ASTN1: variants seen among roughly 807,000 people sequenced by gnomAD.
ASTN1 encodes astrotactin 1, also known as astrotactin-1.
A neutral mutation model predicts 140.7 loss-of-function variants in ASTN1; 41 were observed. The ratio of observed to expected loss-of-function variants is 0.29; its 90% confidence interval spans 0.23 to 0.38. The LOEUF (loss-of-function observed/expected upper bound fraction) is 0.38. ASTN1 is among the 10% of genes least tolerant of loss of function. The probability of loss-of-function intolerance (pLI) is 1.00; values close to 1 mark genes in which losing one functional copy is unlikely to be tolerated. For synonymous variants in ASTN1, 640 were observed against 652.2 expected, an observed-to-expected ratio of 0.98 and a Z score of 0.29; for missense variants, 1,479 against 1,678.8, an observed-to-expected ratio of 0.88 and a Z score of 2.08.
In ASTN1 at chr1:177,139,783, C is replaced by T. The variant is rs114561786; in HGVS notation, c.283+24611G>A. 5.8e-3 allele frequency among the ~76,000 whole-genome samples: 879 copies of T among 152,098 alleles called. 8 individuals are homozygous for T. The highest frequency in any genetic ancestry group is 0.02 in the African/African-American group (844 of 41,498). On this transcript the variant is annotated intron_variant, in intron 1 of 22. Coordinates refer to ENST00000361833, the MANE Select transcript of ASTN1 (RefSeq NM_004319.3). ...TCTTTCTTGCTTTTCTTCCAGGGGC[C>T]CCACAGAGAAAACATTCCCAACCGG...
At position 177,065,731 on chromosome 1, in the gene ASTN1, C is replaced by G. The variant is rs566894068; in HGVS notation, c.284-4466G>C. Among the ~76,000 whole-genome samples the G allele has an allele frequency of 4.6e-5, 7 of 152,282 alleles. No individual in the cohort carries two copies. In the South Asian group the frequency reaches 1.5e-3, roughly 32 times the overall value. On this transcript the variant is annotated intron_variant, in intron 1 of 22. Coordinates refer to ENST00000361833, the MANE Select transcript of ASTN1 (RefSeq NM_004319.3). ...AGCAGCAAAAAATGCAGATTGGTGA[C>G]AACTGTGAACGTGGTGAATGCCCAT...
Position 176,868,989 on chromosome 1 carries a change from T to G in ASTN1, c.3502A>C (p.Thr1168Pro). The part of the protein sequence containing the change: ...DKIYNLFNGY[T>P]SGKEQQTAYN... Reference sequence around the variant, plus strand: ...GCGGTCTGCTGCTCCTTCCCACTAGTGTAGCCATTGAAGAGATTGTAGATC... The same window carrying G: ...GCGGTCTGCTGCTCCTTCCCACTAGGGTAGCCATTGAAGAGATTGTAGATC... The change falls in exon 22 of 23, where the codon ACT (threonine) becomes CCT (proline). Residue 1168 changes from threonine to proline, a missense_variant. Transcript: ENST00000361833. 1 of 1,608,492 alleles carries G rather than the reference T, an allele frequency of 6.2e-7. No homozygotes were observed. Among genetic ancestry groups the G allele is most frequent in the South Asian group, 1.1e-5 (1 of 89,916 alleles).
At chr1:176,996,994 C>T (rs1674487119) in intron 8 of ASTN1, among the ~76,000 whole-genome samples, 1 of 152,186 alleles carries the variant, frequency 6.6e-6, no homozygotes, top group Non-Finnish European at 1.5e-5. Context: ...CAAAAAACAG[C>T]CTACCCAGGG....
At chr1:176,951,991 G>A (rs1050721172) in intron 11 of ASTN1, among the ~76,000 whole-genome samples, 1 of 152,154 alleles carries the variant, frequency 6.6e-6, no homozygotes. Context: ...TCCCAGTGGT[G>A]GAAAATGGCA....
intron 2 of ASTN1, among the ~76,000 whole-genome samples, chr1:177,048,175 G>T (rs1677340429): frequency 6.6e-6 from 1 of 152,168 alleles, no homozygotes; most frequent in African/African-American, 2.4e-5. Context: ...GAGGGGCTCA[G>T]GATGTAGAAG....
At chr1:177,094,110 A>G (rs1679910487) in intron 1 of ASTN1, among the ~76,000 whole-genome samples, 1 of 152,212 alleles carries the variant, frequency 6.6e-6, no homozygotes, top group Admixed American at 6.5e-5. Flanking sequence ...CACCATTGTC[A>G]TTTCAGATTG....
chr1:176,860,010 T>C (rs1427135484), downstream of ASTN1, among the ~76,000 whole-genome samples: 1 of 152,126 alleles, frequency 6.6e-6, no homozygotes, highest in African/African-American at 2.4e-5. Flanking sequence ...GGCATGGTTA[T>C]CTGAGCTGGG....
At chr1:177,087,164 T>C (rs748789057) in intron 1 of ASTN1, among the ~76,000 whole-genome samples, 1 of 152,152 alleles carries the variant, frequency 6.6e-6, no homozygotes, top group Non-Finnish European at 1.5e-5. Context: ...GTGAAATCCT[T>C]TGGACTCTGA....
chr1:177,016,036 G>A (rs1431391046), intron 7 of ASTN1, among the ~76,000 whole-genome samples: 1 of 152,172 alleles, frequency 6.6e-6, no homozygotes, highest in Non-Finnish European at 1.5e-5. Context: ...AACACTTTAA[G>A]ATGATATAAA....
intron 9 of ASTN1, among the ~76,000 whole-genome samples, chr1:176,964,264 A>G (rs1452918684): frequency 6.6e-6 from 1 of 152,192 alleles, no homozygotes; most frequent in Admixed American, 6.5e-5. Context: ...GCTGCTCACC[A>G]TTTGTCCAGA....
chr1:177,031,751 A>G (rs187882052), intron 3 of ASTN1, among the ~76,000 whole-genome samples: 7 of 152,336 alleles, frequency 4.6e-5, no homozygotes, highest in Non-Finnish European at 7.3e-5. Flanking sequence ...GGGTTTATCT[A>G]TGGAGATTTG....
chr1:177,083,438 C>A (rs753071362), intron 1 of ASTN1, among the ~76,000 whole-genome samples: 1 of 151,712 alleles, frequency 6.6e-6, no homozygotes. Flanking sequence ...TCAGGTCATG[C>A]GCCATTGAGA....
At chr1:177,036,665 C>A (rs920664546) in intron 2 of ASTN1, among the ~76,000 whole-genome samples, 5 of 152,008 alleles carry the variant, frequency 3.3e-5, no homozygotes, top group Non-Finnish European at 7.4e-5. Context: ...GCAGGTAGCA[C>A]GTAGGAAGAA....
chr1:177,049,721 T>C (rs755528780), intron 2 of ASTN1, among the ~76,000 whole-genome samples: 2 of 152,246 alleles, frequency 1.3e-5, no homozygotes, highest in Non-Finnish European at 1.5e-5. Context: ...ATGCAGTCTG[T>C]GTGACGATAG....
chr1:176,904,110 G>A (rs1027520138), intron 16 of ASTN1, among the ~76,000 whole-genome samples: 10 of 152,172 alleles, frequency 6.6e-5, no homozygotes, highest in African/African-American at 2.2e-4. Context: ...TTCCGGGCAG[G>A]CATGAATTTG....
chr1:177,054,261 T>TA (rs1180563273), intron 2 of ASTN1, among the ~76,000 whole-genome samples: 4 of 152,130 alleles, frequency 2.6e-5, no homozygotes, highest in Non-Finnish European at 5.9e-5. Flanking sequence ...GTGGTAAGAA[T>TA]AAAAAATAAG....
intron 1 of ASTN1, among the ~76,000 whole-genome samples, chr1:177,161,397 A>G (rs1400998976): frequency 6.6e-6 from 1 of 152,180 alleles, no homozygotes; most frequent in African/African-American, 2.4e-5. Context: ...CACCTTTCCT[A>G]GTCCAAGCCA....
rs10642697 is a variant in ASTN1 at position 176,970,731 on chromosome 1, GGTGTGT to G, written c.1524-5500_1524-5495del. ...CTGTGTATATATGAATGTGGGTATGGGTGTGTGTGTGTGTGTGTGTGTGTGTGTGTA... is the reference window on the plus strand; with the variant it reads ...CTGTGTATATATGAATGTGGGTATGGGTGTGTGTGTGTGTGTGTGTGTGTA... On this transcript the variant is annotated intron_variant, in intron 8 of 22. Transcript: ENST00000361833. Among the ~76,000 whole-genome samples, 804 of 147,240 alleles carry G rather than the reference GGTGTGT, an allele frequency of 5.5e-3. 9 individuals are homozygous for G. The highest frequency in any genetic ancestry group is 0.017 in the African/African-American group (665 of 40,284).
chr1:176,987,099 T>C (rs1053595624), intron 8 of ASTN1, among the ~76,000 whole-genome samples: 4 of 152,132 alleles, frequency 2.6e-5, no homozygotes, highest in Non-Finnish European at 5.9e-5. Context: ...GCCAAACACC[T>C]ATAAGGCACA....
Sources: gnomAD v4.1 joint callset for allele counts (sites outside exome capture counted in the v4.1 genomes callset) on GRCh38, gnomAD v4.1.1 for gene constraint, MANE v1.5 for transcripts, NCBI Gene and HGNC (gene_info 2026-07-23, HGNC 2026-07-21) for gene names.